The following CCSER1 variants were observed in gnomAD, a reference collection of about 807,000 sequenced individuals.
CCSER1 encodes coiled-coil serine rich protein 1, also known as serine-rich coiled-coil domain-containing protein 1.
In CCSER1, 41 loss-of-function variants were observed where a neutral mutation model predicts 82.0. The ratio of observed to expected loss-of-function variants is 0.50; its 90% CI spans 0.39 to 0.65. The LOEUF (loss-of-function observed/expected upper bound fraction) is 0.65, where lower values mean the gene tolerates loss of function less well. Among genes scored for constraint, CCSER1 ranks in the 30% least tolerant of loss-of-function variants. CCSER1 has a pLI of 0.00. For synonymous variants in CCSER1, 414 were observed against 383.9 expected (o/e 1.08, Z -0.92); for missense variants, 1,119 against 1,064.2 (o/e 1.05, Z -0.72).
intron 10 of CCSER1, among the ~76,000 whole-genome samples, chr4:91,521,829 T>G (rs2110142647): frequency 6.6e-6 from 1 of 152,332 alleles, no homozygotes; most frequent in East Asian, 1.9e-4. Flanking sequence ...ATTCTGTAGG[T>G]TGCCTGTTCA....
intron 8 of CCSER1, among the ~76,000 whole-genome samples, chr4:90,916,831 A>T (rs1032550883): frequency 2.6e-5 from 4 of 152,100 alleles, no homozygotes; most frequent in Admixed American, 1.3e-4. Context: ...AAAATGAACA[A>T]CCCCATCAAA....
intron 10 of CCSER1, among the ~76,000 whole-genome samples, chr4:91,286,002 AGG>A: frequency 6.6e-6 from 1 of 151,372 alleles, no homozygotes; most frequent in South Asian, 2.1e-4. Flanking sequence ...CTACATCACA[AGG>A]TGTGATGAAT....
intron 4 of CCSER1, among the ~76,000 whole-genome samples, chr4:90,423,459 C>T (rs1353564441): frequency 6.6e-6 from 1 of 152,040 alleles, no homozygotes; most frequent in Non-Finnish European, 1.5e-5. Context: ...CTCCTGATGT[C>T]GTGATCTGCC....
chr4:90,153,259 C>T (rs1049797659), intron 1 of CCSER1, among the ~76,000 whole-genome samples: 1 of 151,934 alleles, frequency 6.6e-6, no homozygotes, highest in African/African-American at 2.4e-5. Context: ...GAGTATATTG[C>T]CACATTTTCT....
At chr4:90,926,671 AT>A (rs1729103283) in intron 9 of CCSER1, among the ~76,000 whole-genome samples, 2 of 151,858 alleles carry the variant, frequency 1.3e-5, no homozygotes, top group Non-Finnish European at 2.9e-5. Context: ...TAAAAAAAAA[AT>A]TCAGAGTGTC....
chr4:90,177,014 C>CA (rs746421260), intron 1 of CCSER1, among the ~76,000 whole-genome samples: 2 of 151,980 alleles, frequency 1.3e-5, no homozygotes, highest in Non-Finnish European at 2.9e-5. Context: ...GTCCTTGAAG[C>CA]AATGAATCAG....
chr4:91,015,439 G>A (rs1739345170), intron 9 of CCSER1: 1 of 151,954 alleles, frequency 6.6e-6, no homozygotes, highest in Admixed American at 6.6e-5. Context: ...AGGAAGAAAG[G>A]AAGGAAATTA....
rs572128134 is a variant in CCSER1, at chr4:91,074,967, T to C, written c.2173-10983T>C. 1.9e-3 allele frequency among the ~76,000 whole-genome samples: 295 copies of C among 152,324 alleles called. 1 individual carries two copies. The highest frequency in any genetic ancestry group is 6.7e-3 in the African/African-American group (278 of 41,574). On this transcript the variant is annotated intron_variant, in intron 9 of 10. Coordinates refer to ENST00000509176, the MANE Select transcript of CCSER1 (RefSeq NM_001145065.2). ...ATCAACCAAATCTAGGGATATTAGA[T>C]AGTGATTTCTGCCTTTTTGTTTACA...
chr4:90,434,414 G>A (rs1012342664), intron 4 of CCSER1, among the ~76,000 whole-genome samples: 4 of 152,130 alleles, frequency 2.6e-5, no homozygotes, highest in African/African-American at 7.2e-5. Context: ...ATAGGGAAAT[G>A]TGGCCATCAT....
At chr4:91,206,515 A>T (rs1180485888) in intron 10 of CCSER1, among the ~76,000 whole-genome samples, 1 of 151,966 alleles carries the variant, frequency 6.6e-6, no homozygotes, top group African/African-American at 2.4e-5. Flanking sequence ...TTTTCAAAAA[A>T]TATGTATTGA....
At position 91,439,976 on chromosome 4, in the gene CCSER1, T is replaced by A. The variant is rs60136937; in HGVS notation, c.2218-158596T>A. Among the ~76,000 whole-genome samples the A allele has an allele frequency of 5.5e-3, 841 of 151,966 alleles. 4 individuals carry two copies. Among genetic ancestry groups the A allele is most frequent in the African/African-American group, 0.019 (803 of 41,450 alleles). ...CCAGATTCATAAAGCAAGTCCTGAG[T>A]GACCTACAGAGAGACTTAGACTCCC... On this transcript the variant is annotated intron_variant, in intron 10 of 10. Coordinates refer to ENST00000509176, the MANE Select transcript of CCSER1 (RefSeq NM_001145065.2).
At chr4:91,283,794 T>G (rs879435036) in intron 10 of CCSER1, among the ~76,000 whole-genome samples, 64 of 152,110 alleles carry the variant, frequency 4.2e-4, no homozygotes, top group Admixed American at 3.3e-4. Context: ...AAAAAAAAAT[T>G]TGTTTTATTT....
At chr4:91,058,261 T>C (rs1440531617) in intron 9 of CCSER1, among the ~76,000 whole-genome samples, 1 of 152,036 alleles carries the variant, frequency 6.6e-6, no homozygotes, top group Admixed American at 6.6e-5. Flanking sequence ...ATGTGGTACA[T>C]ATTCTCTTTA....
At chr4:91,361,714 A>G (rs1214293094) in intron 10 of CCSER1, among the ~76,000 whole-genome samples, 1 of 151,822 alleles carries the variant, frequency 6.6e-6, no homozygotes, top group Non-Finnish European at 1.5e-5. Flanking sequence ...TAGTTTGAAG[A>G]CATGTCTTTG....
intron 10 of CCSER1, among the ~76,000 whole-genome samples, chr4:91,449,342 G>A (rs1015676736): frequency 2.0e-5 from 3 of 151,970 alleles, no homozygotes; most frequent in African/African-American, 7.3e-5. Flanking sequence ...GTAATTGAGA[G>A]TCCCAGGTTG....
At chr4:91,397,352 A>T (rs77823709) in intron 10 of CCSER1, among the ~76,000 whole-genome samples, 13 of 152,196 alleles carry the variant, frequency 8.5e-5, no homozygotes, top group East Asian at 5.8e-4. Flanking sequence ...AATGGATTAC[A>T]TAAGAAGATG....
intron 10 of CCSER1, among the ~76,000 whole-genome samples, chr4:91,417,842 TTAAAA>T (rs1424339314): frequency 4.0e-5 from 6 of 151,624 alleles, no homozygotes; most frequent in Admixed American, 2.0e-4. Flanking sequence ...ACCCTGGAAC[TTAAAA>T]TAAAAGTTGA....
At chr4:90,397,695 G>T (rs1348588562) in intron 3 of CCSER1, among the ~76,000 whole-genome samples, 2 of 152,124 alleles carry the variant, frequency 1.3e-5, no homozygotes, top group African/African-American at 4.8e-5. Flanking sequence ...TGGTTAAGAT[G>T]TCCATCTTGG....
chr4:91,330,105 T>G (rs953608942), intron 10 of CCSER1, among the ~76,000 whole-genome samples: 3 of 152,282 alleles, frequency 2.0e-5, no homozygotes, highest in Admixed American at 2.0e-4. Context: ...ATTCTTCAAG[T>G]GTATTTTACT....
Sources: gnomAD v4.1 joint callset for allele counts (sites outside exome capture counted in the v4.1 genomes callset) on GRCh38, gnomAD v4.1.1 for gene constraint, MANE v1.5 for transcripts, NCBI Gene and HGNC (gene_info 2026-07-23, HGNC 2026-07-21) for gene names.